Variants in GAS2 observed in about 807,000 individuals in gnomAD.
GAS2 encodes growth arrest-specific protein 2.
GAS2 carries 20 observed loss-of-function variants against 37.5 expected under a neutral mutation model. The observed-to-expected ratio is 0.53, with a 90% confidence interval of 0.37 to 0.77. GAS2 has a LOEUF of 0.77. Ranked by LOEUF, GAS2 falls within the 30% of genes least tolerant of loss-of-function variation. The pLI, the probability that GAS2 is intolerant of heterozygous loss-of-function variation, is 0.00. For synonymous variants in GAS2, 144 were observed against 132.2 expected, an observed-to-expected ratio of 1.09 and a Z score of -0.61; for missense variants, 336 against 373.4, an observed-to-expected ratio of 0.90 and a Z score of 0.82.
chr11:22,647,169 A>G (rs1217519079), intron 1 of GAS2, among the ~76,000 whole-genome samples: 5 of 145,200 alleles, frequency 3.4e-5, no homozygotes, highest in African/African-American at 5.1e-5. Flanking sequence ...GAGAATATGC[A>G]GTGTTTGGTT....
At chr11:22,697,356 A>G (rs949117088) in intron 3 of GAS2, among the ~76,000 whole-genome samples, 7 of 152,138 alleles carry the variant, frequency 4.6e-5, no homozygotes, top group African/African-American at 7.2e-5. Context: ...GCCTTGTAGT[A>G]TAATTTGAAG....
chr11:22,718,552 A>G (rs1603914), intron 3 of GAS2, among the ~76,000 whole-genome samples: 2 of 151,694 alleles, frequency 1.3e-5, no homozygotes, highest in African/African-American at 4.8e-5. Context: ...AGACAGCACA[A>G]TGGGTACATT....
intron 7 of GAS2, among the ~76,000 whole-genome samples, chr11:22,760,957 G>GT (rs1209290959): frequency 6.6e-6 from 1 of 152,148 alleles, no homozygotes; most frequent in Non-Finnish European, 1.5e-5. Context: ...CCGGAAAATG[G>GT]TGGGGAGGTT....
chr11:22,678,675 A>G (rs1358860954), intron 2 of GAS2, among the ~76,000 whole-genome samples: 1 of 151,960 alleles, frequency 6.6e-6, no homozygotes, highest in Admixed American at 6.6e-5. Context: ...AGTTTTAATG[A>G]TATTCTAAAT....
intron 7 of GAS2, among the ~76,000 whole-genome samples, chr11:22,761,477 T>G (rs965804143): frequency 6.6e-6 from 1 of 152,176 alleles, no homozygotes; most frequent in Middle Eastern, 3.2e-3. Context: ...GCTACTTGGT[T>G]TGCTCACTAA....
chr11:22,742,968 A>G (rs1344311221), intron 5 of GAS2, among the ~76,000 whole-genome samples: 1 of 152,076 alleles, frequency 6.6e-6, no homozygotes, highest in Non-Finnish European at 1.5e-5. Context: ...TCACGTCTTA[A>G]GTTACTCTAG....
At chr11:22,728,248 A>C (rs1852305443) in intron 4 of GAS2, among the ~76,000 whole-genome samples, 3 of 152,092 alleles carry the variant, frequency 2.0e-5, no homozygotes, top group Admixed American at 6.6e-5. Flanking sequence ...TCCTGTGGAC[A>C]CCAAGAAGAG....
chr11:22,794,348 C>A (rs1001791560), intron 7 of GAS2, among the ~76,000 whole-genome samples: 19 of 152,082 alleles, frequency 1.2e-4, no homozygotes, highest in Admixed American at 5.9e-4. Context: ...TAGTTCTCCC[C>A]AGAGGCAGCT....
At chr11:22,629,577 A>T (rs558423850) in intron 1 of GAS2, among the ~76,000 whole-genome samples, 2 of 152,084 alleles carry the variant, frequency 1.3e-5, no homozygotes, top group African/African-American at 4.8e-5. Flanking sequence ...GTATTTTTTC[A>T]TACATTTGTT....
chr11:22,730,546 G>A (rs10833804), intron 4 of GAS2, among the ~76,000 whole-genome samples: 55,287 of 151,388 alleles, frequency 0.37, 10,245 homozygotes, highest in East Asian at 0.62. Flanking sequence ...CCATGTTGAC[G>A]TATAAGTGAC....
chr11:22,789,313 C>CACACACACACACACACACAA (rs1397787061), intron 7 of GAS2, among the ~76,000 whole-genome samples: 2 of 105,006 alleles, frequency 1.9e-5, no homozygotes, highest in East Asian at 6.2e-4. Flanking sequence ...TACACACACA[C>CACACACACACACACACACAA]ACACACACAC....
intron 1 of GAS2, among the ~76,000 whole-genome samples, chr11:22,670,546 T>C (rs1849158443): frequency 6.6e-6 from 1 of 152,178 alleles, no homozygotes; most frequent in Admixed American, 6.5e-5. Flanking sequence ...ACAGAATTGC[T>C]TTCCGTTTTG....
At chr11:22,780,278 C>T (rs541348190) in intron 7 of GAS2, among the ~76,000 whole-genome samples, 4 of 152,076 alleles carry the variant, frequency 2.6e-5, no homozygotes, top group South Asian at 4.1e-4. Flanking sequence ...AGGTGGATCA[C>T]GAGGTCAGGA....
At chr11:22,681,213 T>C (rs1483613813) in intron 2 of GAS2, among the ~76,000 whole-genome samples, 1 of 152,202 alleles carries the variant, frequency 6.6e-6, no homozygotes, top group East Asian at 1.9e-4. Context: ...TAAATCTTTA[T>C]AAAAGTTATG....
At chr11:22,664,738 A>AAT (rs1848955950), upstream of GAS2, among the ~76,000 whole-genome samples, 1 of 152,142 alleles carries the variant, frequency 6.6e-6, no homozygotes, top group African/African-American at 2.4e-5. Context: ...GAGTGATCAG[A>AAT]ATATATAAAT....
At chr11:22,763,057 G>A (rs1854482373) in intron 7 of GAS2, among the ~76,000 whole-genome samples, 1 of 152,146 alleles carries the variant, frequency 6.6e-6, no homozygotes, top group South Asian at 2.1e-4. Flanking sequence ...AGAAATATGA[G>A]TACTTGAGGG....
chr11:22,653,039 T>C (rs546603038), intron 1 of GAS2, among the ~76,000 whole-genome samples: 3 of 139,852 alleles, frequency 2.1e-5, no homozygotes, highest in African/African-American at 7.9e-5. Context: ...TTCTTTCTCT[T>C]TCTTTCTTTC....
intron 3 of GAS2, among the ~76,000 whole-genome samples, chr11:22,716,643 CAA>C (rs71037523): frequency 2.5e-3 from 333 of 132,458 alleles, no homozygotes; most frequent in Admixed American, 3.0e-3. Flanking sequence ...GTCTCTGTCT[CAA>C]AAAAAAAAAA....
intron 7 of GAS2, among the ~76,000 whole-genome samples, chr11:22,776,323 C>T (rs762590340): frequency 8.2e-4 from 124 of 151,138 alleles, no homozygotes; most frequent in Non-Finnish European, 1.6e-3. Context: ...TGCGTGGTGG[C>T]TGTGTTCCAA....
Sources: gnomAD v4.1 joint callset for allele counts (sites outside exome capture counted in the v4.1 genomes callset) on GRCh38, gnomAD v4.1.1 for gene constraint, MANE v1.5 for transcripts, NCBI Gene and HGNC (gene_info 2026-07-23, HGNC 2026-07-21) for gene names.